The following ATP2B2 variants were observed in gnomAD, a reference collection of about 807,000 sequenced individuals.
ATP2B2 encodes plasma membrane calcium-transporting ATPase 2.
Under a neutral mutation model 120.0 loss-of-function variants are expected in ATP2B2, and 15 were observed. That is an observed-to-expected ratio of 0.12 (90% CI 0.08 to 0.19). The LOEUF (loss-of-function observed/expected upper bound fraction) is 0.19. Ranked by LOEUF, ATP2B2 falls within the 10% of genes least tolerant of loss-of-function variation. The pLI is 1.00. For missense variants in ATP2B2, 1,045 were observed against 1,719.8 expected (o/e 0.61, Z 6.94); for synonymous variants, 694 against 700.3 (o/e 0.99, Z 0.14).
At chr3:10,448,548 C>T (rs1443659218) in intron 2 of ATP2B2, among the ~76,000 whole-genome samples, 1 of 152,146 alleles carries the variant, frequency 6.6e-6, no homozygotes, top group African/African-American at 2.4e-5. Context: ...AGCTTTGGTC[C>T]CTTCCAGAAA....
At chr3:10,393,433 T>C (rs1299842726) in intron 5 of ATP2B2, among the ~76,000 whole-genome samples, 3 of 152,184 alleles carry the variant, frequency 2.0e-5, no homozygotes, top group Non-Finnish European at 4.4e-5. Flanking sequence ...TGAGCCACTT[T>C]TCGCTCAGCT....
chr3:10,340,686 A>G lies in ATP2B2; in HGVS notation c.2936T>C (p.Ile979Thr). Reference sequence around the variant, plus strand: ...CAGGGGCGCGTTCCTCCCGCTGTCGATCTGGAACATCTTCTCGCCTGCCAA... The same window carrying G: ...CAGGGGCGCGTTCCTCCCGCTGTCGGTCTGGAACATCTTCTCGCCTGCCAA... ...LLFVGEKMFQIDSGRNAPLHS... is the reference protein window; with the variant it reads ...LLFVGEKMFQTDSGRNAPLHS... The change falls in exon 20 of 23, where the codon ATC becomes ACC. Residue 979 changes from isoleucine (I) to threonine (T), a missense_variant. By Grantham distance (89) the Ile-to-Thr change is moderately conservative (BLOSUM62 -1). Around this residue, in one of 11 missense-constraint regions of ATP2B2, gnomAD observed 211 missense variants for 385.1 expected, o/e 0.55. Coordinates refer to ENST00000360273, the MANE Select transcript of ATP2B2 (RefSeq NM_001001331.4). The surrounding 1 kb of genome is among the most constrained non-coding windows in gnomAD (Gnocchi z 5.0). 1 of 1,614,060 alleles carries G rather than the reference A, an allele frequency of 6.2e-7. No individual in the cohort carries two copies. The highest frequency in any genetic ancestry group is 8.5e-7 in the Non-Finnish European group (1 of 1,179,964).
intron 3 of ATP2B2, among the ~76,000 whole-genome samples, chr3:10,519,023 T>C (rs1355495930): frequency 1.3e-5 from 2 of 152,254 alleles, no homozygotes; most frequent in Non-Finnish European, 2.9e-5. Context: ...AGGCCCTGTC[T>C]AAACACTTGG....
At chr3:10,609,094 C>A (rs1030467789) in intron 2 of ATP2B2, among the ~76,000 whole-genome samples, 8 of 152,218 alleles carry the variant, frequency 5.3e-5, no homozygotes, top group African/African-American at 1.9e-4. Context: ...TGAGCTGTTT[C>A]CTCCTCCAAT....
At chr3:10,568,057 T>A (rs1455093267) in intron 2 of ATP2B2, among the ~76,000 whole-genome samples, 1 of 152,212 alleles carries the variant, frequency 6.6e-6, no homozygotes, top group Non-Finnish European at 1.5e-5. Context: ...AGGCCCTTTG[T>A]GGCTGGAGCA....
chr3:10,614,555 T>A (rs2069330415), intron 2 of ATP2B2, among the ~76,000 whole-genome samples: 1 of 152,158 alleles, frequency 6.6e-6, no homozygotes, highest in South Asian at 2.1e-4. Context: ...AAAAATACAT[T>A]GAATTGCAGT....
chr3:10,707,425 C>G (rs1448514556), intron 1 of ATP2B2, among the ~76,000 whole-genome samples: 1 of 152,192 alleles, frequency 6.6e-6, no homozygotes, highest in Non-Finnish European at 1.5e-5. Context: ...GGGAGAAGCC[C>G]CCAGCCTAGG....
At chr3:10,613,626 C>G (rs2069301167) in intron 2 of ATP2B2, among the ~76,000 whole-genome samples, 1 of 152,126 alleles carries the variant, frequency 6.6e-6, no homozygotes, top group Non-Finnish European at 1.5e-5. Context: ...CAGGTCAGCT[C>G]AACTGTCACA....
chr3:10,420,696 A>G (rs1324149139), intron 2 of ATP2B2, among the ~76,000 whole-genome samples: 1 of 152,208 alleles, frequency 6.6e-6, no homozygotes, highest in Non-Finnish European at 1.5e-5. Flanking sequence ...GCCTGAGAAT[A>G]ATGATAGTGC....
At chr3:10,464,276 G>GA (rs2064637515) in intron 1 of ATP2B2, among the ~76,000 whole-genome samples, 1 of 152,160 alleles carries the variant, frequency 6.6e-6, no homozygotes. Flanking sequence ...GGGGGTGGGG[G>GA]CTGCTAGCTG....
chr3:10,483,144 G>A (rs1180474098), intron 1 of ATP2B2, among the ~76,000 whole-genome samples: 4 of 152,224 alleles, frequency 2.6e-5, no homozygotes, highest in African/African-American at 9.6e-5. Flanking sequence ...TGAGGGTAAT[G>A]TCGGGGCCGA....
intron 2 of ATP2B2, among the ~76,000 whole-genome samples, chr3:10,427,048 G>A (rs1253759131): frequency 6.6e-6 from 1 of 152,224 alleles, no homozygotes; most frequent in Admixed American, 6.5e-5. Context: ...TTGCAGATGA[G>A]GAAACTGTGG....
intron 2 of ATP2B2, among the ~76,000 whole-genome samples, chr3:10,586,596 C>T (rs981040929): frequency 6.6e-6 from 1 of 152,078 alleles, no homozygotes; most frequent in Non-Finnish European, 1.5e-5. Context: ...TGAGGTTCCT[C>T]GAGAGAATCT....
intron 1 of ATP2B2, among the ~76,000 whole-genome samples, chr3:10,482,779 A>G (rs2065466917): frequency 6.6e-6 from 1 of 152,258 alleles, no homozygotes; most frequent in Non-Finnish European, 1.5e-5. Flanking sequence ...CCTAAACTGA[A>G]GAAGGATATA....
intron 2 of ATP2B2, among the ~76,000 whole-genome samples, chr3:10,448,089 G>C (rs111588225): frequency 6.6e-6 from 1 of 152,226 alleles, no homozygotes; most frequent in South Asian, 2.1e-4. Context: ...ATGCTGCCAG[G>C]GCTAGAGTCC....
At position 10,353,803 on chromosome 3, in the gene ATP2B2, T is replaced by G. The variant is rs142213166; in HGVS notation, c.2137-3226A>C. Among the ~76,000 whole-genome samples, 442 of 152,282 alleles carry G rather than the reference T, an allele frequency of 2.9e-3. 2 individuals are homozygous for G. The highest frequency in any genetic ancestry group is 0.01 in the African/African-American group (423 of 41,558). On this transcript the variant is annotated intron_variant, in intron 14 of 22. Transcript: ENST00000360273. ...TCTTCTGTGCAGTGGAGAGAGGGCT[T>G]GGGGACCAACGGGCTGGGCTGGGCT...
intron 1 of ATP2B2, among the ~76,000 whole-genome samples, chr3:10,500,563 A>C (rs2066342687): frequency 6.6e-6 from 1 of 152,034 alleles, no homozygotes. Context: ...AGAGACACAC[A>C]GGAAGGAGTG....
chr3:10,363,222 A>T, intron 12 of ATP2B2, among the ~76,000 whole-genome samples: 1 of 152,242 alleles, frequency 6.6e-6, no homozygotes, highest in Non-Finnish European at 1.5e-5. Flanking sequence ...ATTACTAAGA[A>T]TCAGGGACCC....
At chr3:10,449,218 C>T in intron 2 of ATP2B2, 127 bp downstream of exon 2, 1 of 1,069,154 alleles carries the variant, frequency 9.4e-7, no homozygotes, top group Non-Finnish European at 1.4e-6. Flanking sequence ...ACTACAATGG[C>T]CATTCTGGCA....
Sources: gnomAD v4.1 joint callset for allele counts (sites outside exome capture counted in the v4.1 genomes callset) on GRCh38, gnomAD v4.1.1 for gene constraint, gnomAD v4.1.1 regional missense constraint, Gnocchi (gnomAD v3.1) non-coding constraint, MANE v1.5 for transcripts, NCBI Gene and HGNC (gene_info 2026-07-23, HGNC 2026-07-21) for gene names.